APBA1: variants seen among roughly 807,000 people sequenced by gnomAD.
The protein encoded by APBA1 is amyloid beta precursor protein binding family A member 1, also known as amyloid-beta A4 precursor protein-binding family A member 1.
Under a neutral mutation model 86.6 loss-of-function variants are expected in APBA1, and 55 were observed. The ratio of observed to expected loss-of-function variants is 0.64; its 90% CI spans 0.51 to 0.80. The LOEUF is 0.80. APBA1 is among the 30% of genes least tolerant of loss of function. The pLI is 0.00. For missense variants in APBA1, 1,090 were observed against 1,183.0 expected (o/e 0.92, Z 1.15); for synonymous variants, 511 against 493.9 (o/e 1.03, Z -0.46).
At chr9:69,552,737 C>T (rs1465691022) in intron 1 of APBA1, among the ~76,000 whole-genome samples, 1 of 152,156 alleles carries the variant, frequency 6.6e-6, no homozygotes, top group Non-Finnish European at 1.5e-5. Context: ...CAGGAAGCTA[C>T]CCTGACAGGT....
intron 1 of APBA1, among the ~76,000 whole-genome samples, chr9:69,546,331 G>C (rs770136588): frequency 6.6e-6 from 1 of 152,208 alleles, no homozygotes; most frequent in African/African-American, 2.4e-5. Flanking sequence ...GGAAATAACT[G>C]CCAGAGATAT....
intron 11 of APBA1, among the ~76,000 whole-genome samples, chr9:69,439,115 C>A (rs1834760156): frequency 1.3e-5 from 1 of 76,472 alleles, no homozygotes; most frequent in Admixed American, 1.4e-4. Flanking sequence ...GCCCCACTCT[C>A]TTCTGGCTTG....
At chr9:69,501,665 CA>C (rs1835882120) in intron 2 of APBA1, among the ~76,000 whole-genome samples, 1 of 150,770 alleles carries the variant, frequency 6.6e-6, no homozygotes, top group East Asian at 1.9e-4. Context: ...CACACACACA[CA>C]CACACACACA....
intron 2 of APBA1, among the ~76,000 whole-genome samples, chr9:69,498,080 C>T (rs1478788604): frequency 6.6e-6 from 1 of 152,078 alleles, no homozygotes; most frequent in Non-Finnish European, 1.5e-5. Flanking sequence ...GGGGAGGGAG[C>T]ACGGCTGAGT....
chr9:69,443,270 G>A (rs754515306), intron 10 of APBA1, among the ~76,000 whole-genome samples: 2 of 152,320 alleles, frequency 1.3e-5, no homozygotes, highest in East Asian at 1.9e-4. Flanking sequence ...TCAGGTGCAC[G>A]CTCAATTTTG....
chr9:69,598,245 G>A (rs1822272459), intron 1 of APBA1, among the ~76,000 whole-genome samples: 1 of 151,348 alleles, frequency 6.6e-6, no homozygotes, highest in South Asian at 2.1e-4. Flanking sequence ...AGATCACATG[G>A]ACACAGGAAG....
intron 1 of APBA1, among the ~76,000 whole-genome samples, chr9:69,605,711 T>G (rs1280051647): frequency 6.6e-6 from 1 of 152,244 alleles, no homozygotes; most frequent in Non-Finnish European, 1.5e-5. Flanking sequence ...CTGTAGACAC[T>G]GAAACCTCAC....
chr9:69,444,339 A>G (rs974369520), intron 10 of APBA1, among the ~76,000 whole-genome samples: 3 of 152,214 alleles, frequency 2.0e-5, no homozygotes, highest in African/African-American at 7.2e-5. Flanking sequence ...TATGCGGCAG[A>G]TCCCATCGTC....
intron 1 of APBA1, among the ~76,000 whole-genome samples, chr9:69,598,261 T>C (rs1588385913): frequency 6.6e-6 from 1 of 150,710 alleles, no homozygotes; most frequent in African/African-American, 2.4e-5. Flanking sequence ...GGAAGGGGAA[T>C]ATCACACTCT....
chr9:69,434,350 G>A (rs1417763690), intron 11 of APBA1, among the ~76,000 whole-genome samples: 1 of 152,114 alleles, frequency 6.6e-6, no homozygotes, highest in African/African-American at 2.4e-5. Flanking sequence ...CAGAGAGGGA[G>A]CTGAGCCTCC....
At chr9:69,513,047 A>G (rs938355076) in intron 2 of APBA1, among the ~76,000 whole-genome samples, 1 of 152,216 alleles carries the variant, frequency 6.6e-6, no homozygotes, top group East Asian at 1.9e-4. Flanking sequence ...CAGATTAAAT[A>G]CAACCCACAA....
intron 8 of APBA1, among the ~76,000 whole-genome samples, chr9:69,455,160 G>A (rs1835074387): frequency 6.6e-6 from 1 of 152,094 alleles, no homozygotes; most frequent in Non-Finnish European, 1.5e-5. Flanking sequence ...GGAGAAGAAG[G>A]GCCTCTTTGA....
chr9:69,661,707 C>T (rs117371804), intron 1 of APBA1, among the ~76,000 whole-genome samples: 2,227 of 152,214 alleles, frequency 0.015, 18 homozygotes, highest in Non-Finnish European at 0.023. Flanking sequence ...TGAATGTCCT[C>T]CTGCAGTGAT....
At chr9:69,431,498 A>C in intron 12 of APBA1, 100 bp from the exon 13 acceptor site, 1 of 1,015,156 alleles carries the variant, frequency 9.9e-7, no homozygotes, top group Non-Finnish European at 1.5e-6. Context: ...TCTCCCACAG[A>C]GGGCTTTGAA....
Position 69,521,875 on chromosome 9 carries a change from G to T in APBA1, c.-69-4596C>A, listed in dbSNP as rs1306605246. Among the ~76,000 whole-genome samples, 3 of 152,066 alleles carry T rather than the reference G, an allele frequency of 2.0e-5. No individual in the cohort carries two copies. In the East Asian group the frequency reaches 5.8e-4, roughly 30 times the overall value. On this transcript the variant is annotated intron_variant, in intron 1 of 12. Transcript: ENST00000265381. ...CGATGAGGACAAAGAGATGGAAAGGGGCTGAGTTGGGCAGGGTCTGGTACA... is the reference window on the plus strand; with the variant it reads ...CGATGAGGACAAAGAGATGGAAAGGTGCTGAGTTGGGCAGGGTCTGGTACA...
At chr9:69,635,374 A>T (rs564123426) in intron 1 of APBA1, among the ~76,000 whole-genome samples, 1 of 152,296 alleles carries the variant, frequency 6.6e-6, no homozygotes, top group East Asian at 1.9e-4. Flanking sequence ...TACACACAAA[A>T]AAAGCAAGAA....
intron 1 of APBA1, among the ~76,000 whole-genome samples, chr9:69,655,677 T>C (rs1207731196): frequency 6.6e-6 from 1 of 152,082 alleles, no homozygotes; most frequent in Admixed American, 6.6e-5. Flanking sequence ...ACAATCCCTA[T>C]AGAAACACCC....
At chr9:69,587,834 GACAA>G (rs1346208045) in intron 1 of APBA1, among the ~76,000 whole-genome samples, 1 of 152,086 alleles carries the variant, frequency 6.6e-6, no homozygotes, top group African/African-American at 2.4e-5. Context: ...CGACCAGTTT[GACAA>G]ACATAGTGAA....
chr9:69,488,027 A>G (rs1588314297), intron 2 of APBA1, among the ~76,000 whole-genome samples: 1 of 152,122 alleles, frequency 6.6e-6, no homozygotes, highest in East Asian at 1.9e-4. Flanking sequence ...GAACTGCATA[A>G]AGTTGAAGAG....
Sources: gnomAD v4.1 joint callset for allele counts (sites outside exome capture counted in the v4.1 genomes callset) on GRCh38, gnomAD v4.1.1 for gene constraint, MANE v1.5 for transcripts, NCBI Gene and HGNC (gene_info 2026-07-23, HGNC 2026-07-21) for gene names.